The following TENM3 variants were observed in gnomAD, a reference collection of about 807,000 sequenced individuals.
TENM3 encodes the protein teneurin-3.
Under a neutral mutation model 255.1 loss-of-function variants are expected in TENM3, and 63 were observed. The observed-to-expected ratio is 0.25, with a 90% confidence interval of 0.20 to 0.30. The LOEUF is 0.30. TENM3 is among the 10% of genes least tolerant of loss of function. TENM3 has a pLI of 1.00. For synonymous variants in TENM3, 1,306 were observed against 1,322.3 expected (o/e 0.99, Z 0.27); for missense variants, 2,929 against 3,461.1 (o/e 0.85, Z 3.86).
chr4:182,356,925 T>A (rs954793078), intron 3 of TENM3, among the ~76,000 whole-genome samples: 39 of 140,702 alleles, frequency 2.8e-4, no homozygotes, highest in East Asian at 1.8e-3. Flanking sequence ...TGTCCATGTG[T>A]TCTCATTGTT....
At chr4:181,531,797 A>T in the TENM3 span, among the ~76,000 whole-genome samples, 1 of 152,206 alleles carries the variant, frequency 6.6e-6, no homozygotes, top group Non-Finnish European at 1.5e-5. Context: ...AGTGTGCAGA[A>T]GGCTTCCCTG....
the TENM3 span, among the ~76,000 whole-genome samples, chr4:181,807,184 C>T: frequency 6.6e-6 from 1 of 152,172 alleles, no homozygotes; most frequent in African/African-American, 2.4e-5. Flanking sequence ...CTAGACAAAT[C>T]GCAAATTCCT....
chr4:181,696,428 A>G, the TENM3 span, among the ~76,000 whole-genome samples: 1 of 152,194 alleles, frequency 6.6e-6, no homozygotes, highest in African/African-American at 2.4e-5. Context: ...TGCTGCATAC[A>G]TGAAAATTGT....
chr4:181,954,789 T>A, the TENM3 span, among the ~76,000 whole-genome samples: 1 of 152,220 alleles, frequency 6.6e-6, no homozygotes, highest in Non-Finnish European at 1.5e-5. Context: ...AAAGTCAAGA[T>A]GATTCTCTGT....
chr4:181,676,513 C>A, the TENM3 span, among the ~76,000 whole-genome samples: 2 of 151,702 alleles, frequency 1.3e-5, no homozygotes, highest in African/African-American at 4.8e-5. Flanking sequence ...GTTTTTCAAC[C>A]CTCCCCCTCC....
the TENM3 span, among the ~76,000 whole-genome samples, chr4:181,872,710 G>A: frequency 4.6e-5 from 7 of 151,746 alleles, no homozygotes; most frequent in East Asian, 1.4e-3. Context: ...CAGTCTTGCT[G>A]GGGCCCATTA....
chr4:181,789,601 C>T, the TENM3 span, among the ~76,000 whole-genome samples: 1 of 151,972 alleles, frequency 6.6e-6, no homozygotes, highest in Non-Finnish European at 1.5e-5. Flanking sequence ...AGACTGGGCA[C>T]CCCAGCTAGA....
intron 14 of TENM3, 54 bp from the exon 15 acceptor site, chr4:182,730,146 A>G (rs1241293581): frequency 6.2e-7 from 1 of 1,607,574 alleles, no homozygotes; most frequent in East Asian, 2.2e-5. Flanking sequence ...AAATCATGAT[A>G]ATGTTGGCCT....
At chr4:181,448,518 A>C in the TENM3 span, among the ~76,000 whole-genome samples, 6 of 152,142 alleles carry the variant, frequency 3.9e-5, no homozygotes, top group Admixed American at 2.0e-4. Context: ...GAGGTAGAAA[A>C]TGTAAAATAG....
At chr4:182,233,886 T>C (rs568161242) in intron 1 of TENM3, among the ~76,000 whole-genome samples, 55 of 152,350 alleles carry the variant, frequency 3.6e-4, no homozygotes, top group African/African-American at 1.3e-3. Flanking sequence ...GGCATAGGCT[T>C]TTGCTCCAAC....
chr4:182,013,054 T>A, the TENM3 span, among the ~76,000 whole-genome samples: 1 of 152,104 alleles, frequency 6.6e-6, no homozygotes, highest in Non-Finnish European at 1.5e-5. Context: ...ATCAATTTAC[T>A]TGTCCATTAT....
At chr4:182,030,482 T>C in the TENM3 span, among the ~76,000 whole-genome samples, 1 of 152,198 alleles carries the variant, frequency 6.6e-6, no homozygotes, top group Non-Finnish European at 1.5e-5. Flanking sequence ...CAGTCTATCA[T>C]TGATGGACAT....
At chr4:181,952,690 A>G in the TENM3 span, among the ~76,000 whole-genome samples, 1 of 152,244 alleles carries the variant, frequency 6.6e-6, no homozygotes, top group East Asian at 1.9e-4. Flanking sequence ...CACACAGTGC[A>G]GAGGACACGT....
chr4:182,486,848 A>C (rs1734787601), intron 3 of TENM3, among the ~76,000 whole-genome samples: 1 of 152,210 alleles, frequency 6.6e-6, no homozygotes, highest in Non-Finnish European at 1.5e-5. Context: ...TGAAATTTCT[A>C]AAATGGTTTT....
chr4:181,448,154 ATTTTTTTTTTTTTT>A, the TENM3 span, among the ~76,000 whole-genome samples: 2 of 90,066 alleles, frequency 2.2e-5, no homozygotes, highest in Non-Finnish European at 4.2e-5. Context: ...AAATCCAGTA[ATTTTTTTTTTTTTT>A]TTTTTTTTTT....
At position 182,800,214 on chromosome 4, in the gene TENM3, A is replaced by G; in HGVS notation, c.7963A>G (p.Lys2655Glu). The change falls in exon 28 of 28, where the codon AAG becomes GAG. Residue 2655 changes from lysine to glutamate, a missense_variant. Transcript: ENST00000511685. ...CGCGCGCCTCTGGACGGAGGGCGAG[A>G]AGCGGCAGCTGCTGAGCGCCGGCAA... Reference protein sequence around the residue: ...EGARLWTEGEKRQLLSAGKVQ... With the variant: ...EGARLWTEGEERQLLSAGKVQ... 1.3e-6 allele frequency: 2 copies of G among 1,591,098 alleles called. No individual in the cohort carries two copies. Among genetic ancestry groups the G allele is most frequent in the Admixed American group, 1.7e-5 (1 of 59,356 alleles).
At chr4:181,839,495 A>G in the TENM3 span, among the ~76,000 whole-genome samples, 1 of 147,466 alleles carries the variant, frequency 6.8e-6, no homozygotes, top group East Asian at 2.0e-4. Flanking sequence ...TATATAATAT[A>G]TAATACATAT....
the TENM3 span, among the ~76,000 whole-genome samples, chr4:182,077,362 CATTT>C: frequency 7.2e-5 from 11 of 152,080 alleles, no homozygotes; most frequent in Non-Finnish European, 1.5e-4. Context: ...AATATTCATT[CATTT>C]ATTCATGTAA....
At chr4:182,160,752 G>C (rs1751088033) in intron 1 of TENM3, among the ~76,000 whole-genome samples, 1 of 152,144 alleles carries the variant, frequency 6.6e-6, no homozygotes. Flanking sequence ...GAGCTCTGGT[G>C]ACCTATTGCA....
Sources: allele counts gnomAD v4.1 joint callset (sites outside exome capture counted in the v4.1 genomes callset), GRCh38; gene constraint gnomAD v4.1.1; transcripts MANE v1.5; gene names NCBI Gene and HGNC (gene_info 2026-07-23, HGNC 2026-07-21).